Variants in SRPK2 observed in about 807,000 individuals in gnomAD.
SRPK2 encodes SFRS protein kinase 2.
A neutral mutation model predicts 90.8 loss-of-function variants in SRPK2; 21 were observed. The observed-to-expected ratio is 0.23, with a 90% CI of 0.16 to 0.33. The LOEUF is 0.33. Ranked by LOEUF, SRPK2 falls within the 10% of genes least tolerant of loss-of-function variation. SRPK2 has a pLI of 1.00. For missense variants in SRPK2, 620 were observed against 869.0 expected, an observed-to-expected ratio of 0.71 and a Z score of 3.60; for synonymous variants, 288 against 311.1, an observed-to-expected ratio of 0.93 and a Z score of 0.78.
chr7:105,294,193 GA>G (rs1284697943), intron 2 of SRPK2, among the ~76,000 whole-genome samples: 5 of 152,194 alleles, frequency 3.3e-5, no homozygotes, highest in Non-Finnish European at 7.3e-5. Context: ...ATGGAACTGG[GA>G]AAAAGAAGTT....
chr7:105,352,774 G>A (rs557034333), intron 2 of SRPK2, among the ~76,000 whole-genome samples: 3 of 152,224 alleles, frequency 2.0e-5, no homozygotes, highest in South Asian at 2.1e-4. Flanking sequence ...GGTGGCGCAC[G>A]CCTGTAATCC....
intron 3 of SRPK2, among the ~76,000 whole-genome samples, chr7:105,203,422 TTC>T (rs1030953188): frequency 6.6e-6 from 1 of 152,226 alleles, no homozygotes; most frequent in African/African-American, 2.4e-5. Flanking sequence ...TGTCTTACAA[TTC>T]TCTCTCATAT....
chr7:105,216,693 C>A (rs1797516578), intron 2 of SRPK2, among the ~76,000 whole-genome samples: 2 of 151,646 alleles, frequency 1.3e-5, no homozygotes, highest in African/African-American at 2.4e-5. Context: ...GAGACACCAC[C>A]ACAACAACAA....
intron 2 of SRPK2, among the ~76,000 whole-genome samples, chr7:105,235,409 C>T (rs138845656): frequency 2.7e-4 from 41 of 152,192 alleles, no homozygotes; most frequent in African/African-American, 9.6e-4. Context: ...TCTCTTTAGT[C>T]TAAAGTCAGT....
chr7:105,138,189 CATTT>C (rs1253945340), intron 11 of SRPK2, among the ~76,000 whole-genome samples: 15 of 152,188 alleles, frequency 9.9e-5, no homozygotes, highest in African/African-American at 3.4e-4. Flanking sequence ...AGGTATCACT[CATTT>C]GTTTGTTCGT....
intron 2 of SRPK2, among the ~76,000 whole-genome samples, chr7:105,359,789 G>A (rs1585878752): frequency 6.6e-6 from 1 of 152,000 alleles, no homozygotes; most frequent in Non-Finnish European, 1.5e-5. Context: ...TGATTTCCTT[G>A]ACTATAAATC....
chr7:105,184,134 C>A (rs1254231371), intron 3 of SRPK2, among the ~76,000 whole-genome samples: 1 of 151,766 alleles, frequency 6.6e-6, no homozygotes, highest in African/African-American at 2.4e-5. Context: ...TGCCACCACA[C>A]CTGGCTAATT....
At chr7:105,389,376 C>T (rs1395603267), upstream of SRPK2, 2 of 1,255,170 alleles carry the variant, frequency 1.6e-6, no homozygotes, top group Non-Finnish European at 2.1e-6. Context: ...CCCATGAGCG[C>T]CGCTTCCTCC....
chr7:105,130,646 T>C (rs1249823444), intron 13 of SRPK2, among the ~76,000 whole-genome samples: 5 of 151,432 alleles, frequency 3.3e-5, no homozygotes, highest in Non-Finnish European at 7.4e-5. Flanking sequence ...AGGTCAAATT[T>C]AATATATTAA....
intron 2 of SRPK2, among the ~76,000 whole-genome samples, chr7:105,270,392 G>T (rs1278565197): frequency 6.9e-6 from 1 of 144,940 alleles, no homozygotes; most frequent in Non-Finnish European, 1.5e-5. Context: ...CTTGGATTTA[G>T]GAACAGCCTC....
intron 2 of SRPK2, among the ~76,000 whole-genome samples, chr7:105,387,978 C>T (rs556053144): frequency 3.3e-5 from 5 of 152,168 alleles, no homozygotes; most frequent in African/African-American, 1.2e-4. Flanking sequence ...AGCCCGCGAC[C>T]CCGGCGCCCG....
chr7:105,126,180 C>A (rs1801175561), intron 15 of SRPK2, 68 bp downstream of exon 15: 1 of 1,282,576 alleles, frequency 7.8e-7, no homozygotes, highest in Non-Finnish European at 1.1e-6. Context: ...ACCATTAATG[C>A]TAAAATCAGC....
intron 2 of SRPK2, among the ~76,000 whole-genome samples, chr7:105,292,897 G>A (rs1203940223): frequency 6.6e-6 from 1 of 152,158 alleles, no homozygotes; most frequent in Non-Finnish European, 1.5e-5. Flanking sequence ...GGGTTCCATT[G>A]CCATAGTACA....
intron 2 of SRPK2, among the ~76,000 whole-genome samples, chr7:105,243,056 A>G (rs1193196915): frequency 6.6e-6 from 1 of 152,098 alleles, no homozygotes; most frequent in African/African-American, 2.4e-5. Flanking sequence ...TCTGTCACTC[A>G]GGCTGGGGTA....
chr7:105,353,728 C>T (rs1454315062), intron 2 of SRPK2, among the ~76,000 whole-genome samples: 1 of 152,130 alleles, frequency 6.6e-6, no homozygotes, highest in African/African-American at 2.4e-5. Flanking sequence ...TTTCCTTCTC[C>T]AGAAAATCCC....
intron 2 of SRPK2, among the ~76,000 whole-genome samples, chr7:105,347,664 G>A (rs1019172183): frequency 2.0e-5 from 3 of 151,824 alleles, no homozygotes; most frequent in African/African-American, 7.3e-5. Flanking sequence ...GACTTGCCTG[G>A]GCAGCCTGGC....
chr7:105,395,585 C>T (rs932196918), intron 1 of SRPK2, among the ~76,000 whole-genome samples: 8 of 151,952 alleles, frequency 5.3e-5, no homozygotes, highest in Admixed American at 1.3e-4. Flanking sequence ...CAAAAATTAG[C>T]GGGGTATGGT....
intron 2 of SRPK2, among the ~76,000 whole-genome samples, chr7:105,222,770 C>T (rs1563104016): frequency 6.6e-6 from 1 of 152,062 alleles, no homozygotes; most frequent in African/African-American, 2.4e-5. Flanking sequence ...CAGCCATTTA[C>T]TATAAAGTTC....
intron 2 of SRPK2, among the ~76,000 whole-genome samples, chr7:105,311,282 G>A (rs996364844): frequency 1.3e-5 from 2 of 152,022 alleles, no homozygotes; most frequent in Admixed American, 1.3e-4. Context: ...TCCCAGGCTG[G>A]AGTACAATGG....
Sources: gnomAD v4.1 joint callset for allele counts (sites outside exome capture counted in the v4.1 genomes callset) on GRCh38, gnomAD v4.1.1 for gene constraint, MANE v1.5 for transcripts, NCBI Gene and HGNC (gene_info 2026-07-23, HGNC 2026-07-21) for gene names.